Variants in ZNF322 observed in about 807,000 individuals in gnomAD.
The protein encoded by ZNF322 is zinc finger protein 322.
A neutral mutation model predicts 18.3 loss-of-function variants in ZNF322; 1 was observed. The observed-to-expected ratio is 0.05, with a 90% CI of 0.02 to 0.26. The LOEUF (loss-of-function observed/expected upper bound fraction) is 0.26, where lower values mean the gene tolerates loss of function less well. Among genes scored for constraint, ZNF322 ranks in the 10% least tolerant of loss-of-function variants. The pLI, the probability that ZNF322 is intolerant of heterozygous loss-of-function variation, is 1.00. For missense variants in ZNF322, 36 were observed against 403.6 expected (o/e 0.09, Z 7.80); for synonymous variants, 17 against 130.7 (o/e 0.13, Z 5.93).
intron 2 of ZNF322, among the ~76,000 whole-genome samples, chr6:26,656,228 C>T (rs1554149678): frequency 6.6e-6 from 1 of 152,014 alleles, no homozygotes. Context: ...GTTCAAATTC[C>T]CACTCTCCTC....
intron 2 of ZNF322, among the ~76,000 whole-genome samples, chr6:26,653,567 C>T (rs1307006758): frequency 6.6e-6 from 1 of 152,078 alleles, no homozygotes; most frequent in Non-Finnish European, 1.5e-5. Context: ...TCTTTATCAA[C>T]TGATGTGGAG....
At chr6:26,644,643 T>C (rs1765523632) in intron 2 of ZNF322, among the ~76,000 whole-genome samples, 1 of 152,132 alleles carries the variant, frequency 6.6e-6, no homozygotes, top group South Asian at 2.1e-4. Context: ...CCAGCAGTGA[T>C]TTTATTTCTT....
chr6:26,644,476 T>C (rs568146323), intron 2 of ZNF322, among the ~76,000 whole-genome samples: 3 of 152,376 alleles, frequency 2.0e-5, no homozygotes, highest in Admixed American at 6.5e-5. Flanking sequence ...TTTATGGCTC[T>C]AGTTCCAGGT....
intron 2 of ZNF322, among the ~76,000 whole-genome samples, chr6:26,657,001 C>T (rs566665380): frequency 1.3e-5 from 2 of 152,288 alleles, no homozygotes; most frequent in South Asian, 4.1e-4. Context: ...GTAATCCGAG[C>T]ACTTCGGGAA....
At chr6:26,648,350 T>C (rs1189840949) in intron 2 of ZNF322, among the ~76,000 whole-genome samples, 2 of 152,216 alleles carry the variant, frequency 1.3e-5, no homozygotes, top group Non-Finnish European at 2.9e-5. Context: ...CTTCATCCAG[T>C]ACCTTAAGTT....
intron 3 of ZNF322, among the ~76,000 whole-genome samples, chr6:26,640,849 T>C (rs546849393): frequency 6.6e-6 from 1 of 152,258 alleles, no homozygotes; most frequent in South Asian, 2.1e-4. Flanking sequence ...GGGGAGAAGG[T>C]ACACGGTTTC....
intron 2 of ZNF322, among the ~76,000 whole-genome samples, chr6:26,649,673 GTGTATATATATATATA>G (rs1561924801): frequency 6.8e-5 from 2 of 29,372 alleles, no homozygotes; most frequent in Non-Finnish European, 1.1e-4. Flanking sequence ...GTGTGTGTGT[GTGTATATATATATATA>G]TATATATATA....
intron 2 of ZNF322, among the ~76,000 whole-genome samples, chr6:26,650,032 A>G (rs1428996981): frequency 3.3e-5 from 5 of 152,062 alleles, no homozygotes; most frequent in African/African-American, 1.2e-4. Flanking sequence ...AAAAATGAAC[A>G]AAGTCAACGG....
intron 3 of ZNF322, among the ~76,000 whole-genome samples, chr6:26,641,492 T>C (rs1346820733): frequency 6.6e-6 from 1 of 152,146 alleles, no homozygotes; most frequent in Non-Finnish European, 1.5e-5. Flanking sequence ...ATTTCAAATA[T>C]GTGGGGGAAA....
At chr6:26,655,203 A>G (rs1186062670) in intron 2 of ZNF322, among the ~76,000 whole-genome samples, 1 of 152,252 alleles carries the variant, frequency 6.6e-6, no homozygotes, top group African/African-American at 2.4e-5. Flanking sequence ...ATCTTGGTCC[A>G]CAGAAAACAT....
chr6:26,653,122 C>T (rs1389546918), intron 2 of ZNF322, among the ~76,000 whole-genome samples: 1 of 152,054 alleles, frequency 6.6e-6, no homozygotes, highest in Non-Finnish European at 1.5e-5. Context: ...GGAGGGAATG[C>T]AAACTGGTAA....
intron 2 of ZNF322, among the ~76,000 whole-genome samples, chr6:26,655,530 TTC>T (rs1481323957): frequency 3.9e-5 from 6 of 152,208 alleles, no homozygotes; most frequent in African/African-American, 1.4e-4. Flanking sequence ...CATGGCTTGA[TTC>T]TCTGTTTGAG....
chr6:26,645,762 T>G (rs888875392), intron 2 of ZNF322, among the ~76,000 whole-genome samples: 6 of 152,170 alleles, frequency 3.9e-5, no homozygotes, highest in South Asian at 2.1e-4. Context: ...TCAGGTGCGG[T>G]GGCTCACGCC....
chr6:26,640,897 A>G lies in ZNF322; in HGVS notation c.-175-2169T>C, dbSNP rs1765455999. ...AAAGGTCCAGAATCCAAGAAACTAG[A>G]TATTAGATTGGAGCCTATTTGTAAA... On this transcript the variant is annotated intron_variant, in intron 3 of 3. Coordinates refer to ENST00000415922, the MANE Select transcript of ZNF322 (RefSeq NM_024639.5). 5.3e-5 allele frequency among the ~76,000 whole-genome samples: 8 copies of G among 152,198 alleles called. No individual in the cohort carries two copies. The South Asian group carries it at 1.7e-3, about 31-fold the overall frequency.
chr6:26,650,817 T>C (rs2113671256), intron 2 of ZNF322, among the ~76,000 whole-genome samples: 1 of 152,332 alleles, frequency 6.6e-6, no homozygotes, highest in South Asian at 2.1e-4. Flanking sequence ...ATATTCCACA[T>C]CCATGGATAA....
intron 2 of ZNF322, among the ~76,000 whole-genome samples, chr6:26,647,227 G>T (rs2113666250): frequency 6.6e-6 from 1 of 152,006 alleles, no homozygotes; most frequent in African/African-American, 2.4e-5. Context: ...TTGAACCCAG[G>T]AGTTCAAGAC....
chr6:26,658,649 A>C lies in ZNF322; in HGVS notation c.-334-3T>G, dbSNP rs959590178. The C allele has an allele frequency of 6.0e-6, 1 of 166,588 alleles. No homozygotes were observed. Among genetic ancestry groups the C allele is most frequent in the Non-Finnish European group, 1.5e-5 (1 of 68,108 alleles). The allele number at this position is 166,588 out of a possible 1,614,324, so 10.3% of individuals were successfully genotyped here. On this transcript the variant is annotated splice_polypyrimidine_tract_variant and splice_region_variant and intron_variant, in intron 1 of 3. Coordinates refer to ENST00000415922, the MANE Select transcript of ZNF322 (RefSeq NM_024639.5). ...ACAACACTCAATTCTTGCCTCTCCTAGAGGAAAAATCAATAATGTAGACGA... is the reference window on the plus strand; with the variant it reads ...ACAACACTCAATTCTTGCCTCTCCTCGAGGAAAAATCAATAATGTAGACGA...
In ZNF322 at chr6:26,649,602, C is replaced by CA. The variant is rs1554148967; in HGVS notation, c.-245-5875_-245-5874insT. ...CTGATCATTTGACTAAAAATAAAAACTTTTTTTAAAGTTTTCTTTTATATA... is the reference window on the plus strand; with the variant it reads ...CTGATCATTTGACTAAAAATAAAAACATTTTTTTAAAGTTTTCTTTTATATA... On this transcript the variant is annotated intron_variant, in intron 2 of 3. Coordinates refer to ENST00000415922, the MANE Select transcript of ZNF322 (RefSeq NM_024639.5). Among the ~76,000 whole-genome samples, 6 of 135,174 alleles carry CA rather than the reference C, an allele frequency of 4.4e-5. 1 individual carries two copies. Among genetic ancestry groups the CA allele is most frequent in the African/African-American group, 1.7e-4 (6 of 35,640 alleles). The allele number at this position is 135,174 out of a possible 152,430, so 88.7% of individuals were successfully genotyped here. A position where few individuals can be genotyped will look rare whatever the true frequency, so the allele number is the denominator to read the frequency against.
intron 3 of ZNF322, among the ~76,000 whole-genome samples, chr6:26,639,983 C>T (rs1404335114): frequency 6.6e-6 from 1 of 152,144 alleles, no homozygotes; most frequent in Non-Finnish European, 1.5e-5. Flanking sequence ...CATCTGTATA[C>T]CCCCTTTGTT....
Sources: gnomAD v4.1 joint callset for allele counts (sites outside exome capture counted in the v4.1 genomes callset) on GRCh38, gnomAD v4.1.1 for gene constraint, MANE v1.5 for transcripts, NCBI Gene and HGNC (gene_info 2026-07-23, HGNC 2026-07-21) for gene names.